Variants in TMC1 observed in about 807,000 individuals in gnomAD.
TMC1 encodes the protein transmembrane channel like 1.
In TMC1, 84 loss-of-function variants were observed where a neutral mutation model predicts 105.8. The ratio of observed to expected loss-of-function variants is 0.79; its 90% CI spans 0.67 to 0.95. The LOEUF is 0.95. Among genes scored for constraint, TMC1 ranks in the 40% least tolerant of loss-of-function variants. TMC1 has a pLI of 0.00. For synonymous variants in TMC1, 315 were observed against 311.5 expected (o/e 1.01, Z -0.12); for missense variants, 817 against 914.1 (o/e 0.89, Z 1.37).
chr9:72,665,570 A>T (rs1202067136), intron 5 of TMC1, among the ~76,000 whole-genome samples: 1 of 152,202 alleles, frequency 6.6e-6, no homozygotes. Context: ...ATGGCCTGGG[A>T]TGGATGGGTG....
At position 72,830,469 on chromosome 9, in the gene TMC1, C is replaced by G; in HGVS notation, c.2148C>G (p.Leu716=). ...AATTTAGTTTGGCCATCTATTATCTCAATGCTACTGCCAAGGGCCAGAAGG... is the reference window on the plus strand; with the variant it reads ...AATTTAGTTTGGCCATCTATTATCTGAATGCTACTGCCAAGGGCCAGAAGG... The part of the protein sequence containing the change: ...ILVMVLAIYY[L]NATAKGQKAA... The change falls in exon 22 of 24, where the codon CTC becomes CTG. Residue 716 remains leucine, a synonymous_variant. Coordinates refer to ENST00000297784, the MANE Select transcript of TMC1 (RefSeq NM_138691.3). 6.2e-7 allele frequency: 1 copy of G among 1,613,080 alleles called. No individual in the cohort carries two copies. The highest frequency in any genetic ancestry group is 8.5e-7 in the Non-Finnish European group (1 of 1,179,450).
intron 17 of TMC1, among the ~76,000 whole-genome samples, chr9:72,793,829 A>G (rs967121734): frequency 1.3e-5 from 2 of 152,148 alleles, no homozygotes; most frequent in African/African-American, 2.4e-5. Context: ...CACCAGACAC[A>G]TCCTCCAGGC....
rs187034745 is a variant in TMC1, at chr9:72,700,047, A to G, written c.237-471A>G. Among the ~76,000 whole-genome samples, 349 of 150,354 alleles carry G rather than the reference A, an allele frequency of 2.3e-3. 1 individual carries two copies. The highest frequency in any genetic ancestry group is 7.9e-3 in the African/African-American group (322 of 40,804). ...GGTGGGCAGATCACCTGAGGTCAGG[A>G]GTTCGAGACCAGCCTGGCCAAGATG... On this transcript the variant is annotated intron_variant, in intron 7 of 23. Transcript: ENST00000297784.
chr9:72,606,137 T>C (rs1251244058), intron 2 of TMC1, among the ~76,000 whole-genome samples: 2 of 152,116 alleles, frequency 1.3e-5, no homozygotes, highest in Non-Finnish European at 1.5e-5. Context: ...GGGGCTGCAA[T>C]CTCATCTGAT....
At chr9:72,775,521 T>C (rs1453176836) in intron 13 of TMC1, among the ~76,000 whole-genome samples, 2 of 152,206 alleles carry the variant, frequency 1.3e-5, no homozygotes, top group Non-Finnish European at 1.5e-5. Context: ...ATTTGGGGTT[T>C]TACTGGTCTA....
At chr9:72,821,553 T>G (rs1448530668) in intron 20 of TMC1, among the ~76,000 whole-genome samples, 1 of 151,552 alleles carries the variant, frequency 6.6e-6, no homozygotes, top group African/African-American at 2.4e-5. Context: ...TCAGGTTCAA[T>G]AGGTGACATG....
intron 17 of TMC1, among the ~76,000 whole-genome samples, chr9:72,802,127 A>G (rs1411852474): frequency 6.6e-6 from 1 of 152,128 alleles, no homozygotes; most frequent in African/African-American, 2.4e-5. Context: ...GCATGGAGGC[A>G]TGTGTCTGTA....
chr9:72,719,523 G>A (rs190572511), intron 8 of TMC1, among the ~76,000 whole-genome samples: 439 of 152,282 alleles, frequency 2.9e-3, no homozygotes, highest in Non-Finnish European at 5.3e-3. Flanking sequence ...TTTGCAGTTT[G>A]GGCACTCACA....
intron 1 of TMC1, among the ~76,000 whole-genome samples, chr9:72,536,385 T>A (rs557113553): frequency 7.9e-5 from 12 of 152,238 alleles, no homozygotes; most frequent in African/African-American, 1.2e-4. Flanking sequence ...CAGGCTGGAG[T>A]GCAGTGGTGC....
chr9:72,749,781 T>C (rs2118048965), intron 10 of TMC1, among the ~76,000 whole-genome samples: 1 of 152,258 alleles, frequency 6.6e-6, no homozygotes, highest in Non-Finnish European at 1.5e-5. Context: ...AACCTGCCAC[T>C]GTTTTACAGG....
At chr9:72,788,597 A>C in intron 14 of TMC1, 114 bp downstream of exon 14, 2 of 1,163,254 alleles carry the variant, frequency 1.7e-6, no homozygotes, top group Non-Finnish European at 2.5e-6. Context: ...AGATTAACTC[A>C]TGGTTTCTGC....
intron 2 of TMC1, among the ~76,000 whole-genome samples, chr9:72,604,669 T>C (rs183047089): frequency 6.6e-6 from 1 of 152,370 alleles, no homozygotes; most frequent in African/African-American, 2.4e-5. Flanking sequence ...TAACAGTGTC[T>C]AACGTACTAT....
intron 1 of TMC1, among the ~76,000 whole-genome samples, chr9:72,574,188 A>T (rs147950636): frequency 6.6e-6 from 1 of 152,322 alleles, no homozygotes; most frequent in African/African-American, 2.4e-5. Context: ...CTCCATATGG[A>T]TATTCTTTGG....
chr9:72,665,584 G>A (rs1273533260), intron 5 of TMC1, among the ~76,000 whole-genome samples: 2 of 152,198 alleles, frequency 1.3e-5, no homozygotes, highest in East Asian at 3.9e-4. Context: ...ATGGGTGGAA[G>A]CCCTGGCAAG....
chr9:72,530,592 A>AG (rs1168022729), intron 1 of TMC1, among the ~76,000 whole-genome samples: 1 of 151,656 alleles, frequency 6.6e-6, no homozygotes, highest in East Asian at 1.9e-4. Context: ...CCATCTTAAA[A>AG]AAAAAAAAAC....
At chr9:72,810,091 G>C (rs1366981423) in intron 18 of TMC1, among the ~76,000 whole-genome samples, 1 of 139,896 alleles carries the variant, frequency 7.1e-6, no homozygotes, top group Non-Finnish European at 1.5e-5. Flanking sequence ...ACAAGTGTAA[G>C]ACAGAGCACC....
chr9:72,748,029 T>C (rs1005627050), intron 10 of TMC1, among the ~76,000 whole-genome samples: 2 of 152,258 alleles, frequency 1.3e-5, no homozygotes, highest in African/African-American at 4.8e-5. Flanking sequence ...GGATATTATC[T>C]ATACCTATTG....
chr9:72,581,877 T>C (rs1824480849), intron 2 of TMC1, among the ~76,000 whole-genome samples: 1 of 152,238 alleles, frequency 6.6e-6, no homozygotes, highest in East Asian at 1.9e-4. Flanking sequence ...AGAATATTTT[T>C]GAGATGACTA....
intron 8 of TMC1, among the ~76,000 whole-genome samples, chr9:72,725,689 A>ATC (rs1026630469): frequency 6.6e-6 from 1 of 151,160 alleles, no homozygotes; most frequent in Non-Finnish European, 1.5e-5. Context: ...TCAAATGTTA[A>ATC]TCTCTCTCTC....
Sources: gnomAD v4.1 joint callset for allele counts (sites outside exome capture counted in the v4.1 genomes callset) on GRCh38, gnomAD v4.1.1 for gene constraint, MANE v1.5 for transcripts, NCBI Gene and HGNC (gene_info 2026-07-23, HGNC 2026-07-21) for gene names.